CSMD3: variants seen among roughly 807,000 people sequenced by gnomAD.
CSMD3 encodes CUB and sushi domain-containing protein 3.
A neutral mutation model predicts 435.2 loss-of-function variants in CSMD3; 177 were observed. The ratio of observed to expected loss-of-function variants is 0.41; its 90% CI spans 0.36 to 0.46. The LOEUF (loss-of-function observed/expected upper bound fraction) is 0.46, where lower values mean the gene tolerates loss of function less well. CSMD3 is among the 20% of genes least tolerant of loss of function. The probability of loss-of-function intolerance (pLI) is 0.34; values close to 1 mark genes in which losing one functional copy is unlikely to be tolerated. For missense variants in CSMD3, 4,265 were observed against 4,504.6 expected (o/e 0.95, Z 1.52); for synonymous variants, 1,656 against 1,520.5 (o/e 1.09, Z -2.07).
intron 10 of CSMD3, among the ~76,000 whole-genome samples, chr8:112,884,311 T>TA (rs1564065081): frequency 6.6e-6 from 1 of 151,784 alleles, no homozygotes; most frequent in African/African-American, 2.4e-5. Context: ...ATGTGAGTGA[T>TA]AAAAAATAGT....
At chr8:112,376,021 C>A (rs1033525993) in intron 38 of CSMD3, among the ~76,000 whole-genome samples, 6 of 152,102 alleles carry the variant, frequency 3.9e-5, no homozygotes, top group African/African-American at 1.4e-4. Context: ...GTTTCCTCTG[C>A]TGAATCTATC....
At chr8:112,760,815 C>G (rs997442986) in intron 13 of CSMD3, among the ~76,000 whole-genome samples, 2 of 152,032 alleles carry the variant, frequency 1.3e-5, no homozygotes, top group Non-Finnish European at 2.9e-5. Flanking sequence ...GAGGGATAGC[C>G]CAGCAGATCT....
intron 12 of CSMD3, among the ~76,000 whole-genome samples, chr8:112,827,206 T>A (rs939801517): frequency 4.7e-4 from 63 of 132,696 alleles, no homozygotes; most frequent in African/African-American, 1.7e-3. Flanking sequence ...TATATATATA[T>A]AATCTTTCTA....
intron 4 of CSMD3, among the ~76,000 whole-genome samples, chr8:113,115,607 C>T (rs1287710186): frequency 6.6e-6 from 1 of 152,132 alleles, no homozygotes; most frequent in East Asian, 1.9e-4. Flanking sequence ...GGCATTCATC[C>T]ATATTTTTGC....
At chr8:113,002,261 G>A (rs1454812799) in intron 6 of CSMD3, among the ~76,000 whole-genome samples, 1 of 152,004 alleles carries the variant, frequency 6.6e-6, no homozygotes, top group East Asian at 1.9e-4. Context: ...GAATTTAGGT[G>A]TCCTTTTTCC....
rs184893996 is a variant in CSMD3, at chr8:112,399,557, G to A, written c.5809+6967C>T. 2.5e-3 allele frequency among the ~76,000 whole-genome samples: 381 copies of A among 152,112 alleles called. 6 individuals are homozygous for A. The highest frequency in any genetic ancestry group is 0.021 in the Admixed American group (326 of 15,244). ...GTTGTGAGCCACTGTGCCTGGTCCCGATTTCCAATCAATTAACAATTCCAT... is the reference window on the plus strand; with the variant it reads ...GTTGTGAGCCACTGTGCCTGGTCCCAATTTCCAATCAATTAACAATTCCAT... On this transcript the variant is annotated intron_variant, in intron 35 of 70. Transcript: ENST00000297405.
intron 1 of CSMD3, among the ~76,000 whole-genome samples, chr8:113,346,809 A>AT (rs1437529833): frequency 6.6e-6 from 1 of 152,144 alleles, no homozygotes; most frequent in Middle Eastern, 3.2e-3. Flanking sequence ...GCCTTATGTG[A>AT]TTAAGAATAT....
At chr8:112,371,823 G>T (rs898846189) in intron 38 of CSMD3, among the ~76,000 whole-genome samples, 19 of 151,928 alleles carry the variant, frequency 1.3e-4, no homozygotes, top group African/African-American at 3.9e-4. Flanking sequence ...GGGAGGTGGT[G>T]GTTGCAGTGA....
At chr8:112,874,053 T>C (rs941336107) in intron 10 of CSMD3, among the ~76,000 whole-genome samples, 10 of 152,228 alleles carry the variant, frequency 6.6e-5, no homozygotes, top group African/African-American at 2.4e-4. Context: ...TTTAGTGCTA[T>C]AAATTTCCCT....
At chr8:112,381,025 A>G (rs770873367) in intron 37 of CSMD3, among the ~76,000 whole-genome samples, 14 of 152,206 alleles carry the variant, frequency 9.2e-5, no homozygotes, top group Non-Finnish European at 1.0e-4. Flanking sequence ...CAAAATATGA[A>G]TAAAACACAG....
intron 8 of CSMD3, among the ~76,000 whole-genome samples, chr8:112,950,660 C>T (rs142859427): frequency 6.6e-6 from 1 of 151,988 alleles, no homozygotes; most frequent in East Asian, 1.9e-4. Flanking sequence ...TATTATTTTA[C>T]ACCTCCTACA....
At chr8:112,827,436 T>G (rs1379201662) in intron 12 of CSMD3, among the ~76,000 whole-genome samples, 1 of 151,814 alleles carries the variant, frequency 6.6e-6, no homozygotes, top group African/African-American at 2.4e-5. Context: ...CCAGCCTGCC[T>G]TTTCTTGTCC....
intron 13 of CSMD3, among the ~76,000 whole-genome samples, chr8:112,733,853 T>C (rs928340839): frequency 2.0e-5 from 3 of 152,016 alleles, no homozygotes; most frequent in African/African-American, 7.2e-5. Flanking sequence ...TGTTGAAGTT[T>C]GCATATGTAA....
intron 9 of CSMD3, among the ~76,000 whole-genome samples, chr8:112,929,064 T>G (rs530925764): frequency 6.7e-6 from 1 of 149,684 alleles, no homozygotes; most frequent in Admixed American, 6.7e-5. Flanking sequence ...TCTCATGTGT[T>G]TTTTGGCTGC....
At chr8:112,954,612 C>T (rs2083942503) in intron 8 of CSMD3, 72 bp downstream of exon 8, 2 of 910,598 alleles carry the variant, frequency 2.2e-6, no homozygotes, top group Non-Finnish European at 1.8e-6. Flanking sequence ...TGGTAAAACA[C>T]ATACAAACAA....
chr8:112,399,697 C>A (rs1029780207), intron 35 of CSMD3, among the ~76,000 whole-genome samples: 15 of 152,140 alleles, frequency 9.9e-5, no homozygotes, highest in Admixed American at 7.2e-4. Flanking sequence ...CTAGAAAACT[C>A]CAGAACATGA....
chr8:112,537,299 C>A (rs55876123), intron 27 of CSMD3, among the ~76,000 whole-genome samples: 25,216 of 151,546 alleles, frequency 0.17, 2,488 homozygotes, highest in Middle Eastern at 0.35. Context: ...AGAAGTAGAA[C>A]GTCTTCAAAT....
At chr8:112,696,089 G>A (rs2076248396) in intron 13 of CSMD3, among the ~76,000 whole-genome samples, 1 of 152,000 alleles carries the variant, frequency 6.6e-6, no homozygotes, top group Non-Finnish European at 1.5e-5. Flanking sequence ...GGACACAAAT[G>A]GAAGAACATT....
rs1275027751 is a variant in CSMD3, at chr8:112,298,080, AAAAAAAAAAAT to A, written c.8441-2085_8441-2075del. The stretch of plus-strand genomic sequence containing the variant: ...TTGCCATTGCACAAAAAAAAAAAAA[AAAAAAAAAAAT>A]AAGTAAAGACCCAAACAAATGTACT... On this transcript the variant is annotated intron_variant, in intron 53 of 70. Coordinates refer to ENST00000297405, the MANE Select transcript of CSMD3 (RefSeq NM_198123.2). Among the ~76,000 whole-genome samples the A allele has an allele frequency of 3.3e-5, 5 of 150,024 alleles. No homozygotes were observed. In the East Asian group the frequency reaches 5.9e-4, roughly 18 times the overall value.
Sources: allele counts gnomAD v4.1 joint callset (sites outside exome capture counted in the v4.1 genomes callset), GRCh38; gene constraint gnomAD v4.1.1; transcripts MANE v1.5; gene names NCBI Gene and HGNC (gene_info 2026-07-23, HGNC 2026-07-21).